The following FHIT variants were observed in gnomAD, a reference collection of about 807,000 sequenced individuals.
The protein encoded by FHIT is bis(5'-adenosyl)-triphosphatase.
A neutral mutation model predicts 17.9 loss-of-function variants in FHIT; 19 were observed. That is an observed-to-expected ratio of 1.06 (90% confidence interval 0.74 to 1.56). The LOEUF (loss-of-function observed/expected upper bound fraction) is 1.56, where lower values mean the gene tolerates loss of function less well. FHIT is among the 40% of genes most tolerant of loss of function. The pLI is 0.00. For missense variants in FHIT, 248 were observed against 189.2 expected (o/e 1.31, Z -1.82); for synonymous variants, 81 against 69.7 (o/e 1.16, Z -0.81).
chr3:61,088,583 A>G (rs1310003193), intron 2 of FHIT, among the ~76,000 whole-genome samples: 1 of 152,164 alleles, frequency 6.6e-6, no homozygotes, highest in Non-Finnish European at 1.5e-5. Context: ...CTGGGAGAAA[A>G]TATATTGGAA....
rs574498091 is a variant in FHIT at position 61,157,614 on chromosome 3, G to C, written c.-164+43003C>G. 5.9e-5 allele frequency among the ~76,000 whole-genome samples: 9 copies of C among 152,300 alleles called. No homozygotes were observed. The South Asian group carries it at 1.9e-3, about 32-fold the overall frequency. On this transcript the variant is annotated intron_variant, in intron 2 of 9. Transcript: ENST00000492590. ...CAGAAGCAGCAGTCACTCTGAGAAA[G>C]ACAGTGATAGTCAGAAGAAAGGGGT...
intron 5 of FHIT, among the ~76,000 whole-genome samples, chr3:60,161,707 G>A (rs1336471455): frequency 1.3e-5 from 2 of 152,200 alleles, no homozygotes; most frequent in East Asian, 1.9e-4. Flanking sequence ...AGAACCAACA[G>A]AAGCAGCAGA....
chr3:60,890,361 A>G (rs1705453683), intron 3 of FHIT, among the ~76,000 whole-genome samples: 1 of 152,182 alleles, frequency 6.6e-6, no homozygotes, highest in Non-Finnish European at 1.5e-5. Context: ...AGCATAGCCG[A>G]AAGCTGAATG....
chr3:60,078,888 C>T (rs927842767), intron 5 of FHIT, among the ~76,000 whole-genome samples: 6 of 151,038 alleles, frequency 4.0e-5, no homozygotes, highest in Non-Finnish European at 8.8e-5. Flanking sequence ...GGATTCTTTA[C>T]ATTATGCTTG....
intron 4 of FHIT, among the ~76,000 whole-genome samples, chr3:60,612,573 C>T (rs1247316634): frequency 6.6e-6 from 1 of 152,178 alleles, no homozygotes; most frequent in Non-Finnish European, 1.5e-5. Context: ...TGCTTAAAAA[C>T]ATTTGTGCCC....
At chr3:60,210,831 A>G (rs560315901) in intron 5 of FHIT, among the ~76,000 whole-genome samples, 2 of 152,220 alleles carry the variant, frequency 1.3e-5, no homozygotes, top group East Asian at 3.9e-4. Flanking sequence ...CCCTATGGAT[A>G]AGTGTTCATC....
At chr3:60,430,310 C>A (rs535154557) in intron 5 of FHIT, among the ~76,000 whole-genome samples, 1 of 152,084 alleles carries the variant, frequency 6.6e-6, no homozygotes, top group East Asian at 1.9e-4. Flanking sequence ...AACACAGTAG[C>A]CATTTTCTGA....
chr3:60,066,183 C>T (rs889562812), intron 5 of FHIT, among the ~76,000 whole-genome samples: 5 of 151,824 alleles, frequency 3.3e-5, no homozygotes, highest in Admixed American at 2.6e-4. Flanking sequence ...GAGGGAAATC[C>T]CCAGGTTGTG....
At chr3:60,491,039 A>C (rs768164017) in intron 5 of FHIT, among the ~76,000 whole-genome samples, 1 of 152,186 alleles carries the variant, frequency 6.6e-6, no homozygotes, top group Non-Finnish European at 1.5e-5. Context: ...CCCAAAAAGT[A>C]TATGTTGCAC....
intron 4 of FHIT, among the ~76,000 whole-genome samples, chr3:60,587,004 T>TA (rs1237103462): frequency 1.8e-4 from 27 of 151,972 alleles, no homozygotes; most frequent in Middle Eastern, 3.2e-3. Context: ...ATAAAAATTT[T>TA]AAAAAATTCA....
chr3:60,684,797 C>T (rs2040826523), intron 4 of FHIT, among the ~76,000 whole-genome samples: 1 of 152,046 alleles, frequency 6.6e-6, no homozygotes, highest in Non-Finnish European at 1.5e-5. Context: ...CTCAAAAGTG[C>T]TCAAGAGCCT....
intron 5 of FHIT, among the ~76,000 whole-genome samples, chr3:60,214,905 C>G (rs538864791): frequency 1.3e-5 from 2 of 152,156 alleles, no homozygotes; most frequent in African/African-American, 4.8e-5. Context: ...CCTAAGCAAA[C>G]TAACACAGGA....
intron 8 of FHIT, among the ~76,000 whole-genome samples, chr3:59,830,528 A>G (rs1701128309): frequency 6.6e-6 from 1 of 152,258 alleles, no homozygotes; most frequent in African/African-American, 2.4e-5. Context: ...AAAAGCAATC[A>G]GAGGTTGTTG....
At chr3:60,349,465 C>T (rs1024049869) in intron 5 of FHIT, among the ~76,000 whole-genome samples, 5 of 152,138 alleles carry the variant, frequency 3.3e-5, no homozygotes, top group African/African-American at 4.8e-5. Flanking sequence ...GGAATGCTTG[C>T]TATTTTGCCT....
At chr3:60,635,794 A>G (rs531190892) in intron 4 of FHIT, among the ~76,000 whole-genome samples, 1 of 152,280 alleles carries the variant, frequency 6.6e-6, no homozygotes, top group Non-Finnish European at 1.5e-5. Context: ...AATGTCCAAG[A>G]GCAGGGTTGG....
chr3:60,758,976 C>A (rs1056300008), intron 4 of FHIT, among the ~76,000 whole-genome samples: 3 of 152,116 alleles, frequency 2.0e-5, no homozygotes, highest in African/African-American at 7.2e-5. Flanking sequence ...ATGAAGCAAG[C>A]TACGGCGATG....
chr3:60,462,796 G>T (rs2032556917), intron 5 of FHIT, among the ~76,000 whole-genome samples: 1 of 152,222 alleles, frequency 6.6e-6, no homozygotes, highest in South Asian at 2.1e-4. Context: ...AGGGCATGCT[G>T]CAGGGAGATC....
At chr3:59,879,214 AACTTAT>A (rs144691431) in intron 8 of FHIT, among the ~76,000 whole-genome samples, 3,321 of 152,296 alleles carry the variant, frequency 0.022, 44 homozygotes, top group South Asian at 0.064. Flanking sequence ...TTCTTGTGCA[AACTTAT>A]ACTTGTTATC....
chr3:59,890,891 C>G (rs925754066), intron 8 of FHIT, among the ~76,000 whole-genome samples: 23 of 152,146 alleles, frequency 1.5e-4, no homozygotes, highest in African/African-American at 5.3e-4. Context: ...TTTCTCCCCC[C>G]CAACACTGGC....
Sources: allele counts gnomAD v4.1 joint callset (sites outside exome capture counted in the v4.1 genomes callset), GRCh38; gene constraint gnomAD v4.1.1; transcripts MANE v1.5; gene names NCBI Gene and HGNC (gene_info 2026-07-23, HGNC 2026-07-21).